Variants in ZNF839 observed in about 807,000 individuals in gnomAD.
The protein encoded by ZNF839 is zinc finger protein 839, also known as renal carcinoma antigen NY-REN-50.
Under a neutral mutation model 56.4 loss-of-function variants are expected in ZNF839, and 38 were observed. The observed-to-expected ratio is 0.67, with a 90% CI of 0.52 to 0.88. The LOEUF is 0.88. ZNF839 is among the 40% of genes least tolerant of loss of function. ZNF839 has a pLI of 0.00. For missense variants in ZNF839, 1,091 were observed against 1,177.6 expected (o/e 0.93, Z 1.08); for synonymous variants, 486 against 493.5 (o/e 0.98, Z 0.20).
chr14:102,336,204 A>C (rs1168827778), intron 5 of ZNF839, among the ~76,000 whole-genome samples: 3 of 152,056 alleles, frequency 2.0e-5, no homozygotes, highest in Non-Finnish European at 4.4e-5. Flanking sequence ...AAAAAAAAAA[A>C]AACTCCATGT....
In ZNF839 at chr14:102,326,319, C is replaced by G. The variant is rs1325360289; in HGVS notation, c.623C>G (p.Pro208Arg). 2 of 1,611,118 alleles carry G rather than the reference C, an allele frequency of 1.2e-6. No individual in the cohort carries two copies. Among genetic ancestry groups the G allele is most frequent in the Non-Finnish European group, 1.7e-6 (2 of 1,178,678 alleles). ...APDEQGSMLTPLSASDPLAVT... is the reference protein window; with the variant it reads ...APDEQGSMLTRLSASDPLAVT... ...GATGAACAGGGCTCCATGTTGACCC[C>G]TTTGTCTGCCTCTGACCCGCTGGCA... Residue 208 changes from proline (P) to arginine (R), a missense_variant, in exon 2 of 8, where the codon CCT becomes CGT. Coordinates refer to ENST00000442396, the MANE Select transcript of ZNF839 (RefSeq NM_018335.6). The surrounding 1 kb of genome is among the most constrained non-coding windows in gnomAD (Gnocchi z 4.3).
Position 102,341,788 on chromosome 14 carries a change from C to G in ZNF839, c.2393C>G (p.Pro798Arg). Residue 798 changes from proline (P) to arginine (R), a missense_variant, in exon 8 of 8, where the codon CCT (proline) becomes CGT (arginine). By Grantham distance (103) the Pro-to-Arg change is moderately radical. This residue lies in a region of ZNF839 where 431 missense variants were observed against 468.0 expected (regional missense o/e 0.92). Transcript: ENST00000442396. ...GTCCTGCCTACAGAGGTGGCAGCCC[C>G]TCCGCTTGAGAAAATTTTGTCTGTG... ...TSVLPTEVAA[P>R]PLEKILSVDS... 3 of 1,614,046 alleles carry G rather than the reference C, an allele frequency of 1.9e-6. No individual in the cohort carries two copies. The highest frequency in any genetic ancestry group is 2.5e-6 in the Non-Finnish European group (3 of 1,179,892).
At chr14:102,330,224 T>C (rs529718968) in intron 2 of ZNF839, among the ~76,000 whole-genome samples, 2 of 152,078 alleles carry the variant, frequency 1.3e-5, no homozygotes, top group Non-Finnish European at 2.9e-5. Context: ...TTCTCTCTCT[T>C]TTTTTAATTT....
rs769512058 is a variant in ZNF839 at position 102,326,131 on chromosome 14, C to T, written c.435C>T (p.Ile145=). The part of the protein sequence containing the change: ...RGNSCLVGLH[I]ASPQLLRVQP... ...ATTCCTGCCTGGTGGGGCTCCATAT[C>T]GCCAGCCCTCAGCTGCTCAGGGTAC... The change falls in exon 2 of 8, where the codon ATC becomes ATT. Residue 145 remains isoleucine (I), a synonymous_variant. Coordinates refer to ENST00000442396, the MANE Select transcript of ZNF839 (RefSeq NM_018335.6). This position sits in a 1 kb window ranked among gnomAD's most constrained non-coding sequence, Gnocchi z 4.3. 4.4e-5 allele frequency: 71 copies of T among 1,613,794 alleles called. No individual in the cohort carries two copies. Among genetic ancestry groups the T allele is most frequent in the Non-Finnish European group, 5.8e-5 (68 of 1,179,860 alleles).
rs563827245 is a variant in ZNF839, at chr14:102,335,759, T to C, written c.1580T>C (p.Met527Thr). Residue 527 changes from methionine to threonine, a missense_variant, in exon 5 of 8, where the codon ATG (methionine) becomes ACG (threonine). This residue lies in a region of ZNF839 where 46 missense variants were observed against 80.4 expected (regional missense o/e 0.57). Transcript: ENST00000442396. Reference protein sequence around the residue: ...IYKEFEELHKMVKKMCQDYLS... With the variant: ...IYKEFEELHKTVKKMCQDYLS... ...AAGGAATTTGAAGAGTTGCATAAAA[T>C]GGTTAAGAAAATGTGCCAAGATTAC... 4 of 1,604,110 alleles carry C rather than the reference T, an allele frequency of 2.5e-6. No homozygotes were observed. Among genetic ancestry groups the C allele is most frequent in the Non-Finnish European group, 3.4e-6 (4 of 1,179,800 alleles).
At chr14:102,321,622 A>G (rs1055179461) in intron 1 of ZNF839, among the ~76,000 whole-genome samples, 2 of 152,186 alleles carry the variant, frequency 1.3e-5, no homozygotes, top group African/African-American at 4.8e-5. Flanking sequence ...CCGGATGCGT[A>G]CTTTGCCCCT....
chr14:102,320,850 C>G (rs936156523), intron 1 of ZNF839, among the ~76,000 whole-genome samples: 1 of 152,210 alleles, frequency 6.6e-6, no homozygotes, highest in Non-Finnish European at 1.5e-5. Context: ...AGCATAGCGC[C>G]TGAAGCCAGA....
Position 102,328,375 on chromosome 14 carries a change from AATATATATATATATATATAT to A in ZNF839, c.1191+1505_1191+1524del, listed in dbSNP as rs71116898. Among the ~76,000 whole-genome samples the A allele has an allele frequency of 3.5e-3, 57 of 16,352 alleles. 1 individual carries two copies. The highest frequency in any genetic ancestry group is 9.7e-3 in the East Asian group (5 of 516). 10.7% of individuals were successfully genotyped at this position (16,352 alleles called of 152,430 possible). A position where few individuals can be genotyped will look rare whatever the true frequency, so the allele number is the denominator to read the frequency against. ...ATCTCAAAAAAAAAAAAAAAAAAAA[AATATATATATATATATATAT>A]ATATATATATATATATGTATACACA... On this transcript the variant is annotated intron_variant, in intron 2 of 7. Coordinates refer to ENST00000442396, the MANE Select transcript of ZNF839 (RefSeq NM_018335.6).
chr14:102,331,762 GC>G lies in ZNF839; in HGVS notation c.1333del (p.Gln445ArgfsTer50). 1 of 1,601,444 alleles carries G rather than the reference GC, an allele frequency of 6.2e-7. No individual in the cohort carries two copies. Among genetic ancestry groups the G allele is most frequent in the South Asian group, 1.1e-5 (1 of 89,038 alleles). ...CAGAGTCCCGCACAGCTGTCCTCCA[GC>G]AGAGAAGAGCTGCTCAGCTACCTGG... ...LAESRTAVLQQRRAAQLPGGP... is the reference protein window; with the variant it reads ...LAESRTAVLQXRRAAQLPGGP... On this transcript the variant is annotated frameshift_variant, in exon 3 of 8. Coordinates refer to ENST00000442396, the MANE Select transcript of ZNF839 (RefSeq NM_018335.6). LOFTEE classifies it high-confidence loss of function.
At chr14:102,337,255 C>T (rs1264259635) in intron 5 of ZNF839, 1 of 151,618 alleles carries the variant, frequency 6.6e-6, no homozygotes, top group Non-Finnish European at 1.5e-5. Flanking sequence ...CTGCAACCTC[C>T]CCTCCTGGGT....
intron 2 of ZNF839, among the ~76,000 whole-genome samples, chr14:102,327,610 C>A (rs2073487370): frequency 6.6e-6 from 1 of 152,280 alleles, no homozygotes; most frequent in African/African-American, 2.4e-5. Context: ...AGATTCAAAC[C>A]AAATCAGTCC....
intron 3 of ZNF839, among the ~76,000 whole-genome samples, chr14:102,334,342 A>G (rs1224935333): frequency 6.6e-6 from 1 of 152,232 alleles, no homozygotes; most frequent in African/African-American, 2.4e-5. Flanking sequence ...GACAGTGCCC[A>G]GAGCTTGTCA....
Position 102,326,941 on chromosome 14 carries a change from A to G in ZNF839, c.1191+54A>G, listed in dbSNP as rs2073447731. On this transcript the variant is annotated intron_variant, in intron 2 of 7. Transcript: ENST00000442396. The surrounding 1 kb of genome is among the most constrained non-coding windows in gnomAD (Gnocchi z 4.3). ...TTTATTTGGCCGTTCTCGGATTGCTATAAAGAAATACCTGAGACCAGGTAT... is the reference window on the plus strand; with the variant it reads ...TTTATTTGGCCGTTCTCGGATTGCTGTAAAGAAATACCTGAGACCAGGTAT... The G allele has an allele frequency of 1.3e-6, 2 of 1,482,446 alleles. No individual in the cohort carries two copies. The highest frequency in any genetic ancestry group is 1.8e-6 in the Non-Finnish European group (2 of 1,113,354). 91.8% of individuals were successfully genotyped at this position (1,482,446 alleles called of 1,614,324 possible).
Position 102,329,402 on chromosome 14 carries a change from A to T in ZNF839, c.1192-2220A>T, listed in dbSNP as rs574047594. Reference sequence around the variant, plus strand: ...ATTTTGTGTATTTATTTATTTATTTATTTTTTCAGTCTGACTCTGTTGCCC... The same window carrying T: ...ATTTTGTGTATTTATTTATTTATTTTTTTTTTCAGTCTGACTCTGTTGCCC... On this transcript the variant is annotated intron_variant, in intron 2 of 7. Transcript: ENST00000442396. Among the ~76,000 whole-genome samples, 16 of 148,632 alleles carry T rather than the reference A, an allele frequency of 1.1e-4. 1 individual carries two copies. Among genetic ancestry groups the T allele is most frequent in the African/African-American group, 2.7e-4 (11 of 40,394 alleles).
intron 3 of ZNF839, among the ~76,000 whole-genome samples, chr14:102,333,973 T>C (rs1377425920): frequency 6.6e-6 from 1 of 152,042 alleles, no homozygotes; most frequent in Non-Finnish European, 1.5e-5. Context: ...TCCCCTCATC[T>C]CCCTCCCCTG....
At chr14:102,327,021 G>C in intron 2 of ZNF839, 134 bp downstream of exon 2, 1 of 1,085,712 alleles carries the variant, frequency 9.2e-7, no homozygotes, top group Non-Finnish European at 1.3e-6. Flanking sequence ...AGGAAGCATG[G>C]TGCTGGCATC....
At chr14:102,339,872 G>A (rs1432545173) in intron 7 of ZNF839, among the ~76,000 whole-genome samples, 1 of 152,182 alleles carries the variant, frequency 6.6e-6, no homozygotes, top group African/African-American at 2.4e-5. Flanking sequence ...AGACTTCGCT[G>A]TACATGCCAG....
Position 102,328,370 on chromosome 14 carries a change from AAAAAAATATATATATATATATATAT to A in ZNF839, c.1191+1485_1191+1509del, listed in dbSNP as rs1408954865. Among the ~76,000 whole-genome samples the A allele has an allele frequency of 8.1e-5, 4 of 49,210 alleles. No homozygotes were observed. The Admixed American group carries it at 8.2e-4, about 10-fold the overall frequency. 32.3% of individuals were successfully genotyped at this position (49,210 alleles called of 152,430 possible). A position where few individuals can be genotyped will look rare whatever the true frequency, so the allele number is the denominator to read the frequency against. On this transcript the variant is annotated intron_variant, in intron 2 of 7. Transcript: ENST00000442396. ...ACTCCATCTCAAAAAAAAAAAAAAA[AAAAAAATATATATATATATATATAT>A]ATATATATATATATATGTATACACA...
At chr14:102,334,813 G>A (rs1419361142) in intron 4 of ZNF839, 167 bp downstream of exon 4, 2 of 282,472 alleles carry the variant, frequency 7.1e-6, no homozygotes, top group Non-Finnish European at 1.3e-5. Context: ...CACCATCGTA[G>A]CTCACTGCAG....
Sources: gnomAD v4.1 joint callset for allele counts (sites outside exome capture counted in the v4.1 genomes callset) on GRCh38, gnomAD v4.1.1 for gene constraint, gnomAD v4.1.1 regional missense constraint, Gnocchi (gnomAD v3.1) non-coding constraint, MANE v1.5 for transcripts, NCBI Gene and HGNC (gene_info 2026-07-23, HGNC 2026-07-21) for gene names.